The following ATRNL1 variants were observed in gnomAD, a reference collection of about 807,000 sequenced individuals.
ATRNL1 encodes the protein attractin like 1, also known as attractin-like protein 1.
A neutral mutation model predicts 182.7 loss-of-function variants in ATRNL1; 95 were observed. The ratio of observed to expected loss-of-function variants is 0.52; its 90% CI spans 0.44 to 0.62. The LOEUF (loss-of-function observed/expected upper bound fraction) is 0.62, where lower values mean the gene tolerates loss of function less well. ATRNL1 is among the 20% of genes least tolerant of loss of function. ATRNL1 has a pLI of 0.00. For synonymous variants in ATRNL1, 576 were observed against 568.3 expected, an observed-to-expected ratio of 1.01 and a Z score of -0.19; for missense variants, 1,471 against 1,679.5, an observed-to-expected ratio of 0.88 and a Z score of 2.17.
intron 1 of ATRNL1, among the ~76,000 whole-genome samples, chr10:115,110,464 A>G (rs1554867612): frequency 6.6e-6 from 1 of 152,156 alleles, no homozygotes; most frequent in South Asian, 2.1e-4. Context: ...GAAAGTTGGG[A>G]CCTCATTCAT....
intron 26 of ATRNL1, among the ~76,000 whole-genome samples, chr10:115,631,970 T>C (rs1237353792): frequency 6.6e-6 from 1 of 152,116 alleles, no homozygotes; most frequent in East Asian, 1.9e-4. Flanking sequence ...TATATCAATA[T>C]ATAGTTGTAC....
rs184254933 is a variant in ATRNL1 at position 115,452,411 on chromosome 10, T to G, written c.3323-9530T>G. ...AGTTTTGCTTTTAATATTTAGGTCT[T>G]TAATTAGCTGAAATTGATTTTTATG... On this transcript the variant is annotated intron_variant, in intron 21 of 28. Coordinates refer to ENST00000355044, the MANE Select transcript of ATRNL1 (RefSeq NM_207303.4). Among the ~76,000 whole-genome samples, 18 of 152,274 alleles carry G rather than the reference T, an allele frequency of 1.2e-4. No individual in the cohort carries two copies. The East Asian group carries it at 3.5e-3, about 29-fold the overall frequency.
chr10:115,776,467 C>T (rs1289757880), intron 27 of ATRNL1, among the ~76,000 whole-genome samples: 1 of 152,134 alleles, frequency 6.6e-6, no homozygotes, highest in Non-Finnish European at 1.5e-5. Context: ...GAGGTGGGGT[C>T]TAGGTCTCTT....
intron 26 of ATRNL1, among the ~76,000 whole-genome samples, chr10:115,666,037 G>T (rs1860980166): frequency 6.6e-6 from 1 of 152,058 alleles, no homozygotes; most frequent in African/African-American, 2.4e-5. Flanking sequence ...ATTTGATTAT[G>T]ATAAATATAA....
rs60743076 is a variant in ATRNL1 at position 115,933,096 on chromosome 10, A to G, written c.4019-11562A>G. Among the ~76,000 whole-genome samples, 1,258 of 152,316 alleles carry G rather than the reference A, an allele frequency of 8.3e-3. 20 individuals carry two copies. The highest frequency in any genetic ancestry group is 0.029 in the African/African-American group (1,187 of 41,570). On this transcript the variant is annotated intron_variant, in intron 28 of 28. Coordinates refer to ENST00000355044, the MANE Select transcript of ATRNL1 (RefSeq NM_207303.4). ...AACAGATTCTTCCCTTTGGCAAGCAATTCCTTCAGGAACTGAGTTATGCTT... is the reference window on the plus strand; with the variant it reads ...AACAGATTCTTCCCTTTGGCAAGCAGTTCCTTCAGGAACTGAGTTATGCTT...
chr10:115,443,720 A>G (rs782668780), intron 21 of ATRNL1, among the ~76,000 whole-genome samples: 1 of 151,946 alleles, frequency 6.6e-6, no homozygotes, highest in African/African-American at 2.4e-5. Flanking sequence ...GGACATCGCA[A>G]TTTTTACAAA....
intron 10 of ATRNL1, among the ~76,000 whole-genome samples, chr10:115,261,786 C>G (rs75216009): frequency 1.9e-3 from 284 of 152,048 alleles, no homozygotes; most frequent in Non-Finnish European, 3.1e-3. Flanking sequence ...TCCAGAAACT[C>G]TGGAGGCTGA....
At chr10:115,732,679 A>G (rs996662044) in intron 27 of ATRNL1, among the ~76,000 whole-genome samples, 1 of 152,174 alleles carries the variant, frequency 6.6e-6, no homozygotes, top group Non-Finnish European at 1.5e-5. Context: ...TTCAGTCACC[A>G]GTAGAGCAAG....
chr10:115,508,468 C>T (rs781892593), intron 24 of ATRNL1, among the ~76,000 whole-genome samples: 3 of 151,900 alleles, frequency 2.0e-5, no homozygotes, highest in Admixed American at 1.3e-4. Flanking sequence ...CCAATACGGC[C>T]GAAATCTAGG....
At chr10:115,620,974 A>G (rs1453613911) in intron 26 of ATRNL1, among the ~76,000 whole-genome samples, 3 of 150,674 alleles carry the variant, frequency 2.0e-5, no homozygotes, top group African/African-American at 7.3e-5. Flanking sequence ...CTTTTTTTTC[A>G]TTTTCAGTTG....
At chr10:115,418,866 A>G (rs542813613) in intron 20 of ATRNL1, among the ~76,000 whole-genome samples, 1 of 152,318 alleles carries the variant, frequency 6.6e-6, no homozygotes, top group South Asian at 2.1e-4. Flanking sequence ...TTTAAAAATG[A>G]AGGAGAGAAG....
chr10:115,911,310 T>A (rs1555115857), intron 28 of ATRNL1, among the ~76,000 whole-genome samples: 1 of 148,138 alleles, frequency 6.8e-6, no homozygotes, highest in Non-Finnish European at 1.5e-5. Context: ...TAAAACCTAT[T>A]TTATTTATTT....
chr10:115,227,457 A>G (rs112061071), intron 9 of ATRNL1, among the ~76,000 whole-genome samples: 1,938 of 152,278 alleles, frequency 0.013, 37 homozygotes, highest in African/African-American at 0.04. Context: ...ATGCTTAGAC[A>G]TTGTTGATGG....
At chr10:115,695,628 TA>T (rs1946533079) in intron 26 of ATRNL1, among the ~76,000 whole-genome samples, 1 of 152,104 alleles carries the variant, frequency 6.6e-6, no homozygotes, top group Admixed American at 6.6e-5. Context: ...TCATTTCCTA[TA>T]ATATAAACAA....
At chr10:115,434,616 A>G (rs951015648) in intron 21 of ATRNL1, among the ~76,000 whole-genome samples, 20 of 152,196 alleles carry the variant, frequency 1.3e-4, no homozygotes, top group African/African-American at 4.8e-4. Context: ...CATTTTTTCA[A>G]ATAAGAAATA....
chr10:115,603,427 G>C (rs1856716170), intron 26 of ATRNL1, among the ~76,000 whole-genome samples: 1 of 152,146 alleles, frequency 6.6e-6, no homozygotes. Flanking sequence ...TTAGGAGCTA[G>C]AGCCAGAGAC....
chr10:115,377,476 GTCTA>G (rs782702488), intron 19 of ATRNL1, among the ~76,000 whole-genome samples: 3 of 152,160 alleles, frequency 2.0e-5, no homozygotes, highest in Non-Finnish European at 4.4e-5. Flanking sequence ...TAATACGGTT[GTCTA>G]TCTATGTTTC....
At chr10:115,592,705 A>C (rs1664873255) in intron 26 of ATRNL1, among the ~76,000 whole-genome samples, 1 of 152,220 alleles carries the variant, frequency 6.6e-6, no homozygotes, top group African/African-American at 2.4e-5. Context: ...TTGCCAAATA[A>C]TACTAGAAAT....
intron 24 of ATRNL1, among the ~76,000 whole-genome samples, chr10:115,499,676 A>G (rs1174013197): frequency 6.6e-6 from 1 of 152,210 alleles, no homozygotes; most frequent in Non-Finnish European, 1.5e-5. Context: ...TCTAGGTTAT[A>G]GGCAGATAAG....
Sources: allele counts gnomAD v4.1 joint callset (sites outside exome capture counted in the v4.1 genomes callset), GRCh38; gene constraint gnomAD v4.1.1; transcripts MANE v1.5; gene names NCBI Gene and HGNC (gene_info 2026-07-23, HGNC 2026-07-21).